Variants in KCNQ1OT1 observed in about 807,000 individuals in gnomAD.
KCNQ1OT1 encodes the protein KCNQ1 opposite strand/antisense transcript 1.
exon 1 of KCNQ1OT1, chr11:2,622,926 T>C (rs1308616032): frequency 2.5e-6 from 1 of 398,480 alleles, no homozygotes; most frequent in Non-Finnish European, 4.4e-6. Flanking sequence ...ACTGTTGGGG[T>C]GTACATTCTG....
At position 2,678,776 on chromosome 11, in the gene KCNQ1OT1, G is replaced by A. The variant is rs1289118965; in HGVS notation, n.21219C>T. On this transcript the variant is annotated non_coding_transcript_exon_variant, in exon 1 of 1. Transcript: ENST00000597346. This position sits in a 1 kb window ranked among gnomAD's most constrained non-coding sequence, Gnocchi z 4.9. The stretch of plus-strand genomic sequence containing the variant: ...GTGTTTGGGACTGAGGCTTCATCGT[G>A]GCAGCTAATAATGTCAGGGAGCATG... 1 of 398,478 alleles carries A rather than the reference G, an allele frequency of 2.5e-6. No individual in the cohort carries two copies. Among genetic ancestry groups the A allele is most frequent in the Non-Finnish European group, 4.4e-6 (1 of 226,078 alleles). The allele number at this position is 398,478 out of a possible 1,614,324, so 24.7% of individuals were successfully genotyped here. A position where few individuals can be genotyped will look rare whatever the true frequency, so the allele number is the denominator to read the frequency against.
chr11:2,638,532 G>C (rs1305502763), exon 1 of KCNQ1OT1: 1 of 152,174 alleles, frequency 6.6e-6, no homozygotes, highest in Non-Finnish European at 1.5e-5. Flanking sequence ...TAGAGTTTCT[G>C]CTGAGAGATC....
Position 2,683,938 on chromosome 11 carries a change from C to T in KCNQ1OT1, n.16057G>A, listed in dbSNP as rs1026279369. 1.0e-5 allele frequency: 4 copies of T among 398,094 alleles called. No homozygotes were observed. The East Asian group carries it at 1.1e-4, about 11-fold the overall frequency. The allele number at this position is 398,094 out of a possible 1,614,324, so 24.7% of individuals were successfully genotyped here. ...CTCTGTGACACGTTTCATAGTCAGA[C>T]AAAACCAGCTGACTGCTTTTACTTT... On this transcript the variant is annotated non_coding_transcript_exon_variant, in exon 1 of 1. Transcript: ENST00000597346. This position sits in a 1 kb window ranked among gnomAD's most constrained non-coding sequence, Gnocchi z 4.7.
exon 1 of KCNQ1OT1, chr11:2,681,829 A>G: frequency 5.0e-6 from 2 of 398,446 alleles, no homozygotes; most frequent in African/African-American, 2.1e-5. Context: ...CATATCATCC[A>G]TGCTCCCCAA....
chr11:2,659,088 G>T lies in KCNQ1OT1; in HGVS notation n.40907C>A. 2.5e-6 allele frequency: 1 copy of T among 398,552 alleles called. No individual in the cohort carries two copies. Among genetic ancestry groups the T allele is most frequent in the African/African-American group, 2.1e-5 (1 of 48,722 alleles). The allele number at this position is 398,552 out of a possible 1,614,324, so 24.7% of individuals were successfully genotyped here. A position where few individuals can be genotyped will look rare whatever the true frequency, so the allele number is the denominator to read the frequency against. ...TCATCATAGTCTGCTTTTCATCGTA[G>T]GGTCCTCCAACATCCGGGTTAATTT... On this transcript the variant is annotated non_coding_transcript_exon_variant, in exon 1 of 1. Transcript: ENST00000597346. This position sits in a 1 kb window ranked among gnomAD's most constrained non-coding sequence, Gnocchi z 4.3.
rs1849175985 is a variant in KCNQ1OT1 at position 2,621,752 on chromosome 11, T to A, written n.78243A>T. On this transcript the variant is annotated non_coding_transcript_exon_variant, in exon 1 of 1. Transcript: ENST00000597346. This position sits in a 1 kb window ranked among gnomAD's most constrained non-coding sequence, Gnocchi z 5.7. The stretch of plus-strand genomic sequence containing the variant: ...TATATTCTCCATTTTCATTTCTGAT[T>A]TTGTCCTCTTTCTTAGTCCAAGAGT... 1 of 398,276 alleles carries A rather than the reference T, an allele frequency of 2.5e-6. No homozygotes were observed. Among genetic ancestry groups the A allele is most frequent in the South Asian group, 1.3e-4 (1 of 7,854 alleles). 24.7% of individuals were successfully genotyped at this position (398,276 alleles called of 1,614,324 possible).
In KCNQ1OT1 at chr11:2,617,399, A is replaced by G. The variant is rs758329742; in HGVS notation, n.82596T>C. On this transcript the variant is annotated non_coding_transcript_exon_variant, in exon 1 of 1. Transcript: ENST00000597346. This position sits in a 1 kb window ranked among gnomAD's most constrained non-coding sequence, Gnocchi z 4.6. ...CAGTTTCATCCATGTGGCAAGTGGCAGGATCTCCTTTTTTAATGCGGAATA... is the reference window on the plus strand; with the variant it reads ...CAGTTTCATCCATGTGGCAAGTGGCGGGATCTCCTTTTTTAATGCGGAATA... The G allele has an allele frequency of 7.5e-6, 3 of 398,360 alleles. No individual in the cohort carries two copies. The highest frequency in any genetic ancestry group is 1.3e-5 in the Non-Finnish European group (3 of 225,968). 24.7% of individuals were successfully genotyped at this position (398,360 alleles called of 1,614,324 possible). A position where few individuals can be genotyped will look rare whatever the true frequency, so the allele number is the denominator to read the frequency against.
chr11:2,643,063 A>G (rs1200225995), exon 1 of KCNQ1OT1: 4 of 397,918 alleles, frequency 1.0e-5, no homozygotes, highest in Non-Finnish European at 1.8e-5. Flanking sequence ...ATTTAAAATC[A>G]TACTTAGTGT....
exon 1 of KCNQ1OT1, chr11:2,672,139 T>C: frequency 2.5e-6 from 1 of 398,748 alleles, no homozygotes. Context: ...CCTCCCTCTT[T>C]GGGCCTTTCA....
exon 1 of KCNQ1OT1, chr11:2,632,016 A>G: frequency 2.5e-6 from 1 of 396,018 alleles, no homozygotes; most frequent in East Asian, 3.6e-5. Flanking sequence ...CCCCATCTCT[A>G]CTAAAAATAC....
At position 2,658,525 on chromosome 11, in the gene KCNQ1OT1, C is replaced by T. The variant is rs1235246344; in HGVS notation, n.41470G>A. 5.0e-6 allele frequency: 2 copies of T among 398,310 alleles called. No individual in the cohort carries two copies. The highest frequency in any genetic ancestry group is 8.8e-6 in the Non-Finnish European group (2 of 226,030). The allele number at this position is 398,310 out of a possible 1,614,324, so 24.7% of individuals were successfully genotyped here. On this transcript the variant is annotated non_coding_transcript_exon_variant, in exon 1 of 1. Coordinates refer to ENST00000597346, the Ensembl canonical transcript of KCNQ1OT1. The surrounding 1 kb of genome is among the most constrained non-coding windows in gnomAD (Gnocchi z 4.9). ...TTCTAGCACTTGACAATACTTCAGG[C>T]TCATCTTTTATTTTCCCTACCCTAG...
In KCNQ1OT1 at chr11:2,664,986, G is replaced by A. The variant is rs576307354; in HGVS notation, n.35009C>T. The A allele has an allele frequency of 1.3e-4, 50 of 398,530 alleles. No homozygotes were observed. Among genetic ancestry groups the A allele is most frequent in the Non-Finnish European group, 1.9e-4 (42 of 226,130 alleles). The allele number at this position is 398,530 out of a possible 1,614,324, so 24.7% of individuals were successfully genotyped here. On this transcript the variant is annotated non_coding_transcript_exon_variant, in exon 1 of 1. Transcript: ENST00000597346. This position sits in a 1 kb window ranked among gnomAD's most constrained non-coding sequence, Gnocchi z 5.1. Reference sequence around the variant, plus strand: ...TACGGGAAGGTCCCTGGGGCTGGGCGAAGCTCCTCTTTCCGGGGCCTGTTA... The same window carrying A: ...TACGGGAAGGTCCCTGGGGCTGGGCAAAGCTCCTCTTTCCGGGGCCTGTTA...
In KCNQ1OT1 at chr11:2,651,085, C is replaced by T. The variant is rs1299891434; in HGVS notation, n.48910G>A. 1 of 398,636 alleles carries T rather than the reference C, an allele frequency of 2.5e-6. No homozygotes were observed. The highest frequency in any genetic ancestry group is 1.3e-4 in the South Asian group (1 of 7,860). The allele number at this position is 398,636 out of a possible 1,614,324, so 24.7% of individuals were successfully genotyped here. ...GTTGTCCATACCTCATTACTGGTCT[C>T]TTGATTTCCACTCTTGCTTCCTGTA... On this transcript the variant is annotated non_coding_transcript_exon_variant, in exon 1 of 1. Coordinates refer to ENST00000597346, the Ensembl canonical transcript of KCNQ1OT1. This position sits in a 1 kb window ranked among gnomAD's most constrained non-coding sequence, Gnocchi z 6.1.
chr11:2,651,198 C>A lies in KCNQ1OT1; in HGVS notation n.48797G>T. 2.5e-6 allele frequency: 1 copy of A among 396,926 alleles called. No individual in the cohort carries two copies. The highest frequency in any genetic ancestry group is 4.4e-6 in the Non-Finnish European group (1 of 225,388). The allele number at this position is 396,926 out of a possible 1,614,324, so 24.6% of individuals were successfully genotyped here. Reference sequence around the variant, plus strand: ...CCTACTCAAATGTTCCGACAGCTTCCTGTCACCCTGTCTTGTGTCAGTCTC... The same window carrying A: ...CCTACTCAAATGTTCCGACAGCTTCATGTCACCCTGTCTTGTGTCAGTCTC... On this transcript the variant is annotated non_coding_transcript_exon_variant, in exon 1 of 1. Coordinates refer to ENST00000597346, the Ensembl canonical transcript of KCNQ1OT1. The surrounding 1 kb of genome is among the most constrained non-coding windows in gnomAD (Gnocchi z 6.1).
chr11:2,690,855 C>T lies in KCNQ1OT1; in HGVS notation n.9140G>A, dbSNP rs1590035130. 1 of 398,572 alleles carries T rather than the reference C, an allele frequency of 2.5e-6. No homozygotes were observed. Among genetic ancestry groups the T allele is most frequent in the Non-Finnish European group, 4.4e-6 (1 of 226,060 alleles). 24.7% of individuals were successfully genotyped at this position (398,572 alleles called of 1,614,324 possible). On this transcript the variant is annotated non_coding_transcript_exon_variant, in exon 1 of 1. Coordinates refer to ENST00000597346, the Ensembl canonical transcript of KCNQ1OT1. The surrounding 1 kb of genome is among the most constrained non-coding windows in gnomAD (Gnocchi z 5.1). ...GCACTCCCACTGTTAGGAACAGGTA[C>T]CTTTAGGGACACAGGAGTGTAAGCC...
exon 1 of KCNQ1OT1, chr11:2,681,898 C>T (rs974116149): frequency 2.8e-5 from 11 of 398,446 alleles, no homozygotes; most frequent in East Asian, 1.4e-4. Context: ...GAAAACACAC[C>T]GGCCATAATG....
At position 2,617,230 on chromosome 11, in the gene KCNQ1OT1, TC is replaced by T; in HGVS notation, n.82764del. Reference sequence around the variant, plus strand: ...TTTGACCTACATCTTTCCATTTTCTTCCCCCACACCTTGCCCATGGTAACCA... The same window carrying T: ...TTTGACCTACATCTTTCCATTTTCTTCCCCACACCTTGCCCATGGTAACCA... On this transcript the variant is annotated non_coding_transcript_exon_variant, in exon 1 of 1. Transcript: ENST00000597346. The surrounding 1 kb of genome is among the most constrained non-coding windows in gnomAD (Gnocchi z 4.6). The T allele has an allele frequency of 5.0e-6, 2 of 398,406 alleles. No homozygotes were observed. Among genetic ancestry groups the T allele is most frequent in the South Asian group, 1.3e-4 (1 of 7,852 alleles). 24.7% of individuals were successfully genotyped at this position (398,406 alleles called of 1,614,324 possible). A position where few individuals can be genotyped will look rare whatever the true frequency, so the allele number is the denominator to read the frequency against.
At position 2,690,243 on chromosome 11, in the gene KCNQ1OT1, T is replaced by A. The variant is rs1419378816; in HGVS notation, n.9752A>T. On this transcript the variant is annotated non_coding_transcript_exon_variant, in exon 1 of 1. Coordinates refer to ENST00000597346, the Ensembl canonical transcript of KCNQ1OT1. This position sits in a 1 kb window ranked among gnomAD's most constrained non-coding sequence, Gnocchi z 5.1. Reference sequence around the variant, plus strand: ...TGGTGACCTCAAGCAAGTCATTCCATGTGGCTGAGCTGCTCCTTGCTGCAT... The same window carrying A: ...TGGTGACCTCAAGCAAGTCATTCCAAGTGGCTGAGCTGCTCCTTGCTGCAT... 1 of 398,686 alleles carries A rather than the reference T, an allele frequency of 2.5e-6. No homozygotes were observed. 24.7% of individuals were successfully genotyped at this position (398,686 alleles called of 1,614,324 possible).
chr11:2,688,265 C>T (rs1415426140), exon 1 of KCNQ1OT1: 3 of 398,602 alleles, frequency 7.5e-6, no homozygotes, highest in Non-Finnish European at 1.3e-5. Context: ...AGGGAGGCGC[C>T]ATGACCTCTG....
Sources: gnomAD v4.1 joint callset for allele counts on GRCh38, gnomAD v4.1.1 for gene constraint, Gnocchi (gnomAD v3.1) non-coding constraint, MANE v1.5 for transcripts, NCBI Gene and HGNC (gene_info 2026-07-23, HGNC 2026-07-21) for gene names.